Variants in CTU2 observed in about 807,000 individuals in gnomAD.
The protein encoded by CTU2 is cytosolic thiouridylase subunit 2, also known as cytoplasmic tRNA 2-thiolation protein 2.
CTU2 carries 80 observed loss-of-function variants against 64.1 expected under a neutral mutation model. That is an observed-to-expected ratio of 1.25 (90% CI 1.04 to 1.50). The LOEUF is 1.50. Among genes scored for constraint, CTU2 ranks in the 40% most tolerant of loss-of-function variants. The pLI, the probability that CTU2 is intolerant of heterozygous loss-of-function variation, is 0.00. For synonymous variants in CTU2, 482 were observed against 285.3 expected, an observed-to-expected ratio of 1.69 and a Z score of -6.95; for missense variants, 1,110 against 690.2, an observed-to-expected ratio of 1.61 and a Z score of -6.81.
intron 1 of CTU2, 43 bp downstream of exon 1, chr16:88,706,641 C>A: frequency 7.5e-7 from 1 of 1,325,884 alleles, no homozygotes; most frequent in Non-Finnish European, 9.7e-7. Flanking sequence ...CCCTCGCCTT[C>A]CCGCCGCACT....
At position 88,715,208 on chromosome 16, in the gene CTU2, A is replaced by ACTGT. The variant is rs527699516; in HGVS notation, c.1509_1512dup (p.Ile505SerfsTer3). On this transcript the variant is annotated frameshift_variant, in exon 15 of 15. Coordinates refer to ENST00000453996, the MANE Select transcript of CTU2 (RefSeq NM_001012759.3). LOFTEE classifies it low-confidence loss of function (END_TRUNC). ...GCCTGGGGCTTGCAGGAGATCCGGG[A>ACTGT]CTGTCTGATTGAGGACAGTGACGAC... 187 of 1,612,382 alleles carry ACTGT rather than the reference A, an allele frequency of 1.2e-4. No individual in the cohort carries two copies. In the African/African-American group the frequency reaches 2.2e-3, roughly 19 times the overall value.
chr16:88,710,342 C>T, intron 4 of CTU2, 60 bp downstream of exon 4: 1 of 1,563,028 alleles, frequency 6.4e-7, no homozygotes, highest in Non-Finnish European at 8.8e-7. Context: ...CTGGGGGCCT[C>T]CCTTCTCAGC....
In CTU2 at chr16:88,712,636, A is replaced by T; in HGVS notation, c.468A>T (p.Pro156=). ...CATCCCGGAAGGTGTTCAGCCTGCC[A>T]CCGTCGGTGCTTTGGTGCTCTGCCC... The part of the protein sequence containing the change: ...VVALEEVFSL[P]PSVLWCSAQE... Residue 156 remains proline (P), a synonymous_variant, in exon 7 of 15, where the codon CCA becomes CCT. Coordinates refer to ENST00000453996, the MANE Select transcript of CTU2 (RefSeq NM_001012759.3). 1 of 1,609,866 alleles carries T rather than the reference A, an allele frequency of 6.2e-7. No homozygotes were observed. Among genetic ancestry groups the T allele is most frequent in the East Asian group, 2.2e-5 (1 of 44,854 alleles).
intron 9 of CTU2, 70 bp from the exon 10 acceptor site, chr16:88,714,066 C>G: frequency 6.8e-6 from 10 of 1,469,670 alleles, no homozygotes; most frequent in Admixed American, 1.7e-5. Flanking sequence ...GGCACCTGTC[C>G]TGGGGACTCT....
rs565194601 is a variant in CTU2, at chr16:88,711,559, T to C, written c.283-76T>C. 2.2e-6 allele frequency: 3 copies of C among 1,377,636 alleles called. No homozygotes were observed. In the East Asian group the frequency reaches 7.4e-5, roughly 34 times the overall value. The allele number at this position is 1,377,636 out of a possible 1,614,324, so 85.3% of individuals were successfully genotyped here. On this transcript the variant is annotated intron_variant, in intron 4 of 14. Transcript: ENST00000453996. ...CTTCCAAGATGGCATTAAATCCAGA[T>C]GAAGAATGTTCTGAGCTGGAAAAGT...
At chr16:88,709,878 C>T (rs1911174881) in intron 2 of CTU2, 60 bp from the exon 3 acceptor site, 15 of 1,431,140 alleles carry the variant, frequency 1.0e-5, no homozygotes, top group Non-Finnish European at 1.5e-5. Flanking sequence ...GGCAGCGCCT[C>T]AGGACGCTGC....
chr16:88,707,809 G>T (rs1382086590), intron 2 of CTU2, among the ~76,000 whole-genome samples: 3 of 30,790 alleles, frequency 9.7e-5, no homozygotes, highest in African/African-American at 3.1e-4. Flanking sequence ...TGTTGTTGTT[G>T]TTGTTTTTTT....
intron 6 of CTU2, 92 bp from the exon 7 acceptor site, chr16:88,712,530 C>G: frequency 6.6e-7 from 1 of 1,526,538 alleles, no homozygotes; most frequent in Non-Finnish European, 8.8e-7. Context: ...CCCAGCCTCA[C>G]TGCCGTCTCC....
chr16:88,715,015 TTCTTGGCCCC>T (rs761452505), intron 13 of CTU2, 23 bp from the exon 14 acceptor site: 1 of 1,584,410 alleles, frequency 6.3e-7, no homozygotes, highest in Non-Finnish European at 8.6e-7. Context: ...GCTGGCAGGT[TTCTTGGCCCC>T]TCGACACCGG....
intron 4 of CTU2, chr16:88,710,536 C>CGT (rs957635256): frequency 1.2e-5 from 6 of 489,964 alleles, no homozygotes; most frequent in Non-Finnish European, 1.8e-5. Flanking sequence ...GTCCACAGCG[C>CGT]GTGTGTGCGG....
Position 88,713,367 on chromosome 16 carries a change from G to A in CTU2, c.793G>A (p.Gly265Arg). Reference sequence around the variant, plus strand: ...CCACGGCTACTCCAAGGTCATGACTGGGGACAGCTGCACACGCTTGGCTAT... The same window carrying A: ...CCACGGCTACTCCAAGGTCATGACTAGGGACAGCTGCACACGCTTGGCTAT... ...RAHGYSKVMTGDSCTRLAIKL... is the reference protein window; with the variant it reads ...RAHGYSKVMTRDSCTRLAIKL... The change falls in exon 8 of 15, where the codon GGG becomes AGG. Residue 265 changes from glycine to arginine, a missense_variant. Transcript: ENST00000453996. 1 of 1,603,126 alleles carries A rather than the reference G, an allele frequency of 6.2e-7. No homozygotes were observed. Among genetic ancestry groups the A allele is most frequent in the Non-Finnish European group, 8.5e-7 (1 of 1,176,370 alleles).
At chr16:88,710,704 C>T (rs576332120) in intron 4 of CTU2, 18 of 180,704 alleles carry the variant, frequency 1.0e-4, no homozygotes, top group Admixed American at 1.8e-4. Flanking sequence ...TGTCCATTTG[C>T]TCAACCTGCG....
intron 2 of CTU2, among the ~76,000 whole-genome samples, chr16:88,707,813 T>TTGTTG (rs946042666): frequency 7.8e-3 from 17 of 2,180 alleles, no homozygotes; most frequent in East Asian, 0.028. Context: ...GTTGTTGTTG[T>TTGTTG]TTTTTTTGAG....
chr16:88,710,651 A>G (rs1213406027), intron 4 of CTU2: 3 of 244,028 alleles, frequency 1.2e-5, no homozygotes, highest in Admixed American at 1.1e-4. Flanking sequence ...TGCACCAATC[A>G]GAAGCTGGGT....
At chr16:88,713,601 C>T (rs760439639) in intron 8 of CTU2, 46 bp from the exon 9 acceptor site, 149 of 1,591,466 alleles carry the variant, frequency 9.4e-5, no homozygotes, top group Non-Finnish European at 1.2e-4. Flanking sequence ...GAGGGGCAAG[C>T]ACATTCGGGC....
In CTU2 at chr16:88,714,866, C is replaced by A. The variant is rs201788825; in HGVS notation, c.1359C>A (p.Asp453Glu). ...GCCAGCTCTGCTCCCGCAGGGAGGACCCCCAAGCCTGCATTGAGGAGCAGC... is the reference window on the plus strand; with the variant it reads ...GCCAGCTCTGCTCCCGCAGGGAGGAACCCCAAGCCTGCATTGAGGAGCAGC... ...RCGQGACRRE[D>E]PQACIEEQLC... The change falls in exon 13 of 15, where the codon GAC becomes GAA. Residue 453 changes from aspartate (D) to glutamate (E), a missense_variant. By Grantham distance (45) the Asp-to-Glu change is conservative (BLOSUM62 2). Transcript: ENST00000453996. The A allele has an allele frequency of 6.2e-7, 1 of 1,612,578 alleles. No individual in the cohort carries two copies. The highest frequency in any genetic ancestry group is 2.2e-5 in the East Asian group (1 of 44,882).
chr16:88,707,234 C>T (rs773989512), intron 2 of CTU2, 24 bp downstream of exon 2: 5 of 1,609,614 alleles, frequency 3.1e-6, no homozygotes, highest in South Asian at 2.2e-5. Flanking sequence ...GTGGCTGAGA[C>T]CCTGGCAAAC....
At chr16:88,712,556 G>A in intron 6 of CTU2, 66 bp from the exon 7 acceptor site, 1 of 1,565,200 alleles carries the variant, frequency 6.4e-7, no homozygotes, top group Non-Finnish European at 8.7e-7. Context: ...CCCGGAAGGT[G>A]GGGCTGTCTG....
chr16:88,706,579 C>A lies in CTU2; in HGVS notation c.49C>A (p.Pro17Thr), dbSNP rs954349089. The change falls in exon 1 of 15, where the codon CCC becomes ACC. Residue 17 changes from proline (P) to threonine (T), a missense_variant. By Grantham distance (38) the Pro-to-Thr change is conservative (BLOSUM62 -1). Transcript: ENST00000453996. The stretch of plus-strand genomic sequence containing the variant: ...CGGGGAGCCGGCGCCTGAGGAGCCG[C>A]CCCCGGCGCCGCGGCCCAGGTAAGA... ...DYGEPAPEEP[P>T]PAPRPSREQK... 1.4e-6 allele frequency: 2 copies of A among 1,451,036 alleles called. No homozygotes were observed. The highest frequency in any genetic ancestry group is 1.8e-6 in the Non-Finnish European group (2 of 1,108,336). The allele number at this position is 1,451,036 out of a possible 1,614,324, so 89.9% of individuals were successfully genotyped here. A position where few individuals can be genotyped will look rare whatever the true frequency, so the allele number is the denominator to read the frequency against.
Sources: gnomAD v4.1 joint callset for allele counts (sites outside exome capture counted in the v4.1 genomes callset) on GRCh38, gnomAD v4.1.1 for gene constraint, MANE v1.5 for transcripts, NCBI Gene and HGNC (gene_info 2026-07-23, HGNC 2026-07-21) for gene names.